The following ZFPM2 variants were observed in gnomAD, a reference collection of about 807,000 sequenced individuals.
The protein encoded by ZFPM2 is zinc finger protein ZFPM2.
A neutral mutation model predicts 98.6 loss-of-function variants in ZFPM2; 20 were observed. The ratio of observed to expected loss-of-function variants is 0.20; its 90% confidence interval spans 0.14 to 0.29. ZFPM2 has a LOEUF of 0.29. ZFPM2 is among the 10% of genes least tolerant of loss of function. The pLI is 1.00. For missense variants in ZFPM2, 1,310 were observed against 1,388.6 expected, an observed-to-expected ratio of 0.94 and a Z score of 0.90; for synonymous variants, 518 against 502.7, an observed-to-expected ratio of 1.03 and a Z score of -0.41.
intron 5 of ZFPM2, among the ~76,000 whole-genome samples, chr8:105,715,994 C>T (rs980107247): frequency 6.6e-6 from 1 of 151,760 alleles, no homozygotes; most frequent in African/African-American, 2.4e-5. Context: ...CAATCAGGTG[C>T]CATAATCTGA....
intron 5 of ZFPM2, among the ~76,000 whole-genome samples, chr8:105,651,598 T>C (rs764724641): frequency 6.6e-6 from 1 of 152,078 alleles, no homozygotes; most frequent in Non-Finnish European, 1.5e-5. Context: ...TTAGTGTGTA[T>C]CAACACCTCT....
chr8:105,518,903 T>C (rs1300431565), intron 3 of ZFPM2, among the ~76,000 whole-genome samples: 3 of 152,156 alleles, frequency 2.0e-5, no homozygotes, highest in African/African-American at 4.8e-5. Flanking sequence ...TTAAAGGCAC[T>C]AAGGAAAAAA....
chr8:105,580,156 T>G (rs1055405829), intron 4 of ZFPM2, among the ~76,000 whole-genome samples: 2 of 152,194 alleles, frequency 1.3e-5, no homozygotes, highest in Non-Finnish European at 2.9e-5. Flanking sequence ...TTGGTCGAAT[T>G]GAAAGAAGGA....
rs184297946 is a variant in ZFPM2, at chr8:105,476,748, T to C, written c.301+32367T>C. 2.1e-3 allele frequency among the ~76,000 whole-genome samples: 325 copies of C among 152,242 alleles called. 8 individuals carry two copies. The highest frequency in any genetic ancestry group is 0.021 in the Admixed American group (315 of 15,276). ...AATATAGAACTTAACCTATTGTTTT[T>C]TTTGCATTTAAAAATATCCTCTTTT... is the stretch of plus-strand genomic sequence containing the variant. On this transcript the variant is annotated intron_variant, in intron 3 of 7. Transcript: ENST00000407775.
chr8:105,519,919 T>C (rs961031269), intron 3 of ZFPM2, among the ~76,000 whole-genome samples: 29 of 152,114 alleles, frequency 1.9e-4, no homozygotes, highest in Non-Finnish European at 8.8e-5. Flanking sequence ...TATTCCACCT[T>C]CATTATGAGA....
At chr8:105,502,064 A>T (rs1400560294) in intron 3 of ZFPM2, among the ~76,000 whole-genome samples, 16 of 152,302 alleles carry the variant, frequency 1.1e-4, no homozygotes, top group Admixed American at 9.1e-4. Flanking sequence ...TTAAATAAAA[A>T]TTCAAGTAAA....
intron 3 of ZFPM2, among the ~76,000 whole-genome samples, chr8:105,532,806 G>A (rs1814324707): frequency 1.3e-5 from 2 of 152,028 alleles, no homozygotes; most frequent in African/African-American, 4.8e-5. Context: ...CGTTATGGCT[G>A]GTTTACAAGA....
At chr8:105,472,249 A>T (rs1212549595) in intron 3 of ZFPM2, among the ~76,000 whole-genome samples, 1 of 152,334 alleles carries the variant, frequency 6.6e-6, no homozygotes. Flanking sequence ...TTTCCATGGT[A>T]CTACCAAGTT....
chr8:105,551,833 T>A (rs748331002), intron 3 of ZFPM2, among the ~76,000 whole-genome samples: 2 of 152,186 alleles, frequency 1.3e-5, no homozygotes, highest in African/African-American at 4.8e-5. Context: ...AATCTCATCA[T>A]GTTACAATAC....
chr8:105,571,397 C>A (rs1445237653), intron 4 of ZFPM2, among the ~76,000 whole-genome samples: 1 of 152,194 alleles, frequency 6.6e-6, no homozygotes, highest in Non-Finnish European at 1.5e-5. Context: ...TTTTGTAACA[C>A]AAATTCTAAA....
intron 1 of ZFPM2, among the ~76,000 whole-genome samples, chr8:105,346,393 A>T (rs1335815854): frequency 6.6e-6 from 1 of 151,850 alleles, no homozygotes; most frequent in East Asian, 1.9e-4. Context: ...TCAAAAAAAA[A>T]AAAAAATAAA....
chr8:105,348,045 T>C (rs1021692569), intron 1 of ZFPM2, among the ~76,000 whole-genome samples: 6 of 152,132 alleles, frequency 3.9e-5, no homozygotes, highest in Non-Finnish European at 8.8e-5. Flanking sequence ...GTGAGTGTAA[T>C]GTTTTAAATG....
intron 5 of ZFPM2, among the ~76,000 whole-genome samples, chr8:105,715,085 C>T (rs779635316): frequency 3.3e-5 from 5 of 151,802 alleles, no homozygotes; most frequent in Non-Finnish European, 7.4e-5. Context: ...CAGTTGCAAC[C>T]GTAGATTGGC....
At chr8:105,528,010 G>A (rs1229606082) in intron 3 of ZFPM2, among the ~76,000 whole-genome samples, 1 of 152,138 alleles carries the variant, frequency 6.6e-6, no homozygotes, top group African/African-American at 2.4e-5. Flanking sequence ...AGATAGATAG[G>A]ATATGGTACT....
chr8:105,429,428 C>T (rs1188677090), intron 2 of ZFPM2, among the ~76,000 whole-genome samples: 2 of 141,894 alleles, frequency 1.4e-5, no homozygotes, highest in Admixed American at 6.8e-5. Context: ...AGAAAACGTG[C>T]ACAAGTTAGA....
intron 5 of ZFPM2, among the ~76,000 whole-genome samples, chr8:105,653,003 A>G (rs1469395981): frequency 1.3e-5 from 2 of 152,210 alleles, no homozygotes; most frequent in African/African-American, 4.8e-5. Context: ...TATCAAATCC[A>G]GAATGCCTTG....
chr8:105,796,891 G>GTT (rs1318113174), intron 6 of ZFPM2: 2 of 152,164 alleles, frequency 1.3e-5, no homozygotes, highest in African/African-American at 4.8e-5. Context: ...AAAGTCCTGA[G>GTT]TTTGCACAAT....
Position 105,380,717 on chromosome 8 carries a change from A to ATATAACATATATATTATATATATATG in ZFPM2, c.41-38426_41-38425insATAACATATATATTATATATATATGT, listed in dbSNP as rs1810849362. Among the ~76,000 whole-genome samples the ATATAACATATATATTATATATATATG allele has an allele frequency of 1.3e-4, 5 of 38,916 alleles. 1 individual carries two copies. Among genetic ancestry groups the ATATAACATATATATTATATATATATG allele is most frequent in the African/African-American group, 1.7e-4 (1 of 5,822 alleles). The allele number at this position is 38,916 out of a possible 152,430, so 25.5% of individuals were successfully genotyped here. On this transcript the variant is annotated intron_variant, in intron 1 of 7. Transcript: ENST00000407775. ...TATAACATATATAATATATATATAT[A>ATATAACATATATATTATATATATATG]TTATATATAACATATATATTATATA... is the stretch of plus-strand genomic sequence containing the variant.
At chr8:105,616,651 T>C (rs1427339292) in intron 4 of ZFPM2, 1 of 365,790 alleles carries the variant, frequency 2.7e-6, no homozygotes, top group Non-Finnish European at 5.4e-6. Flanking sequence ...TGCAACAGGT[T>C]CATATGGTAT....
Sources: allele counts gnomAD v4.1 joint callset (sites outside exome capture counted in the v4.1 genomes callset), GRCh38; gene constraint gnomAD v4.1.1; transcripts MANE v1.5; gene names NCBI Gene and HGNC (gene_info 2026-07-23, HGNC 2026-07-21).